Variants in BUD23 observed in about 807,000 individuals in gnomAD.
BUD23 encodes the protein 18S rRNA (guanine-N(7))-methyltransferase.
A neutral mutation model predicts 47.0 loss-of-function variants in BUD23; 34 were observed. That is an observed-to-expected ratio of 0.72 (90% CI 0.55 to 0.96). The LOEUF (loss-of-function observed/expected upper bound fraction) is 0.96, where lower values mean the gene tolerates loss of function less well. Among genes scored for constraint, BUD23 ranks in the 40% least tolerant of loss-of-function variants. BUD23 has a pLI of 0.00. For synonymous variants in BUD23, 124 were observed against 132.0 expected (o/e 0.94, Z 0.41); for missense variants, 343 against 361.2 (o/e 0.95, Z 0.41).
At chr7:73,683,720 A>G (rs782128631) in intron 1 of BUD23, 47 bp downstream of exon 1, 8 of 1,613,814 alleles carry the variant, frequency 5.0e-6, no homozygotes. Context: ...TTCTGCGGCC[A>G]CCGCGTCTGA....
At position 73,698,131 on chromosome 7, in the gene BUD23, A is replaced by T; in HGVS notation, c.*245A>T. ...GGCAACATAATGAAACTTCCTTTCC[A>T]GGGAGGAAAAAAAAAAAAAAAAAAA... On this transcript the variant is annotated 3_prime_UTR_variant, in exon 12 of 12. Coordinates refer to ENST00000265758, the MANE Select transcript of BUD23 (RefSeq NM_017528.5). The T allele has an allele frequency of 2.8e-5, 3 of 106,416 alleles. No individual in the cohort carries two copies. The highest frequency in any genetic ancestry group is 1.3e-4 in the East Asian group (1 of 7,630). The allele number at this position is 106,416 out of a possible 1,614,324, so 6.6% of individuals were successfully genotyped here. A position where few individuals can be genotyped will look rare whatever the true frequency, so the allele number is the denominator to read the frequency against.
chr7:73,692,762 C>T (rs2116696460), intron 7 of BUD23, 116 bp downstream of exon 7: 4 of 1,020,776 alleles, frequency 3.9e-6, no homozygotes, highest in Non-Finnish European at 5.8e-6. Flanking sequence ...GAAACATGCA[C>T]CCTAGTGTGG....
At chr7:73,685,151 T>C (rs1797914087) in intron 2 of BUD23, among the ~76,000 whole-genome samples, 1 of 150,608 alleles carries the variant, frequency 6.6e-6, no homozygotes, top group Admixed American at 6.7e-5. Flanking sequence ...CTACTGAAAA[T>C]ACAGATATTA....
Position 73,686,729 on chromosome 7 carries a change from T to C in BUD23, c.180T>C (p.Ile60=), listed in dbSNP as rs782812578. ...PENKPCYLLD[I]GCGTGLSGSY... is the part of the protein sequence containing the mutation. ...ATAAGCCCTGTTACCTGCTGGATAT[T>C]GGGTGAGATTCTGGGGCCTGGTTCA... The change falls in exon 3 of 12, where the codon ATT becomes ATC. Residue 60 remains isoleucine (I), a splice_region_variant and synonymous_variant. Transcript: ENST00000265758. 38 of 1,614,002 alleles carry C rather than the reference T, an allele frequency of 2.4e-5. No individual in the cohort carries two copies. Among genetic ancestry groups the C allele is most frequent in the Non-Finnish European group, 3.1e-5 (36 of 1,180,018 alleles).
intron 2 of BUD23, among the ~76,000 whole-genome samples, chr7:73,685,770 A>G (rs1401884458): frequency 6.6e-6 from 1 of 152,022 alleles, no homozygotes; most frequent in African/African-American, 2.4e-5. Context: ...GTTAATGGAA[A>G]TACGTTATTA....
At chr7:73,691,136 G>GC in intron 6 of BUD23, 124 bp downstream of exon 6, 1 of 791,520 alleles carries the variant, frequency 1.3e-6, no homozygotes, top group Non-Finnish European at 2.1e-6. Context: ...GCATGGGGTG[G>GC]CAGGACCTTA....
chr7:73,693,624 A>G lies in BUD23; in HGVS notation c.597A>G (p.Lys199=). The G allele has an allele frequency of 6.2e-7, 1 of 1,614,124 alleles. No homozygotes were observed. The highest frequency in any genetic ancestry group is 8.5e-7 in the Non-Finnish European group (1 of 1,180,028). The change falls in exon 9 of 12, where the codon AAA becomes AAG. Residue 199 remains lysine, a splice_region_variant and synonymous_variant. Transcript: ENST00000265758. ...CTCACTTTGCACTTTCTCCTTTCAG[A>G]TTCTACCTCTGCTTGTTTTCTGGGC... is the stretch of plus-strand genomic sequence containing the variant. The part of the protein sequence containing the change: ...VDYPNSAKAK[K]FYLCLFSGPS...
intron 10 of BUD23, chr7:73,695,800 T>C (rs1158147595): frequency 6.6e-6 from 1 of 152,236 alleles, no homozygotes; most frequent in African/African-American, 2.4e-5. Flanking sequence ...ACTGGTCTTT[T>C]TCTTTTTTTC....
chr7:73,687,715 A>G (rs1359877374), intron 5 of BUD23, among the ~76,000 whole-genome samples: 1 of 152,146 alleles, frequency 6.6e-6, no homozygotes, highest in Non-Finnish European at 1.5e-5. Context: ...CCTGCAAGCC[A>G]GTGCCTCCCA....
intron 6 of BUD23, among the ~76,000 whole-genome samples, chr7:73,691,867 A>C (rs1398988512): frequency 1.3e-5 from 2 of 152,106 alleles, no homozygotes; most frequent in Non-Finnish European, 2.9e-5. Context: ...AGGCTCCCAA[A>C]GTGATGGGAT....
chr7:73,686,614 A>G lies in BUD23; in HGVS notation c.87-22A>G, dbSNP rs782248139. ...CACCCAGAACTCCTTTACCATGTCC[A>G]CTTGTGTTTCTGCCTTACCAGCTCA... is the stretch of plus-strand genomic sequence containing the variant. On this transcript the variant is annotated intron_variant, in intron 2 of 11. Coordinates refer to ENST00000265758, the MANE Select transcript of BUD23 (RefSeq NM_017528.5). 2.5e-6 allele frequency: 4 copies of G among 1,611,014 alleles called. No individual in the cohort carries two copies. The African/African-American group carries it at 4.0e-5, about 16-fold the overall frequency.
intron 10 of BUD23, chr7:73,696,209 TCCAC>T (rs1319601271): frequency 3.9e-4 from 60 of 152,358 alleles, no homozygotes; most frequent in African/African-American, 1.4e-3. Context: ...GTTCCTCACG[TCCAC>T]CATAGGTTTA....
At chr7:73,693,467 C>A in intron 8 of BUD23, 53 bp downstream of exon 8, 2 of 1,608,298 alleles carry the variant, frequency 1.2e-6, no homozygotes, top group East Asian at 2.2e-5. Flanking sequence ...AGGGTAGTGG[C>A]ATAGCCCTTT....
chr7:73,688,086 C>T (rs530214038), intron 5 of BUD23, among the ~76,000 whole-genome samples: 19 of 151,890 alleles, frequency 1.3e-4, no homozygotes, highest in East Asian at 3.9e-4. Flanking sequence ...TTAGTAGAGA[C>T]GGGGTTTCAC....
rs2293490 is a variant in BUD23 at position 73,692,673 on chromosome 7, C to T, written c.510+27C>T. 9.1e-5 allele frequency: 146 copies of T among 1,608,094 alleles called. No individual in the cohort carries two copies. In the African/African-American group the frequency reaches 9.2e-4, roughly 10 times the overall value. On this transcript the variant is annotated intron_variant, in intron 7 of 11. Coordinates refer to ENST00000265758, the MANE Select transcript of BUD23 (RefSeq NM_017528.5). ...TGAGTCCCTCGGCTACTGGGTGTGC[C>T]GGGGAGTTGGGGGACTCAACAGGTA...
chr7:73,693,666 A>G lies in BUD23; in HGVS notation c.639A>G (p.Pro213=), dbSNP rs782208237. 3 of 1,614,012 alleles carry G rather than the reference A, an allele frequency of 1.9e-6. No individual in the cohort carries two copies. Among genetic ancestry groups the G allele is most frequent in the Non-Finnish European group, 2.5e-6 (3 of 1,180,028 alleles). ...TTTCTGGGCCTTCGACCTTTATACC[A>G]GAGGTGAGGGACACTGGGTTTGCAG... ...CLFSGPSTFI[P]EGLSENQDEV... Residue 213 remains proline, a synonymous_variant, in exon 9 of 12, where the codon CCA becomes CCG. Coordinates refer to ENST00000265758, the MANE Select transcript of BUD23 (RefSeq NM_017528.5).
At chr7:73,691,278 A>G (rs1340699222) in intron 6 of BUD23, among the ~76,000 whole-genome samples, 2 of 152,156 alleles carry the variant, frequency 1.3e-5, no homozygotes, top group Non-Finnish European at 2.9e-5. Flanking sequence ...AATAGGGCCT[A>G]CTTCTGTTGA....
At chr7:73,685,149 A>G (rs1227765052) in intron 2 of BUD23, among the ~76,000 whole-genome samples, 1 of 151,466 alleles carries the variant, frequency 6.6e-6, no homozygotes, top group Non-Finnish European at 1.5e-5. Flanking sequence ...CTCTACTGAA[A>G]ATACAGATAT....
At position 73,691,005 on chromosome 7, in the gene BUD23, C is replaced by T. The variant is rs782124069; in HGVS notation, c.452C>T (p.Ser151Phe). Reference sequence around the variant, plus strand: ...TACTGCTTTTTTGCTTCTCTTTTTTCTGTTCTCGTGAGTATAAGATCTTCT... The same window carrying T: ...TACTGCTTTTTTGCTTCTCTTTTTTTTGTTCTCGTGAGTATAAGATCTTCT... ...RLYCFFASLF[S>F]VLVRGSRAVL... is the part of the protein sequence containing the mutation. The change falls in exon 6 of 12, where the codon TCT (serine) becomes TTT (phenylalanine). Residue 151 changes from serine (S) to phenylalanine (F), a missense_variant. Transcript: ENST00000265758. 3 of 1,614,052 alleles carry T rather than the reference C, an allele frequency of 1.9e-6. No homozygotes were observed. Among genetic ancestry groups the T allele is most frequent in the East Asian group, 2.2e-5 (1 of 44,892 alleles).
Sources: gnomAD v4.1 joint callset for allele counts (sites outside exome capture counted in the v4.1 genomes callset) on GRCh38, gnomAD v4.1.1 for gene constraint, MANE v1.5 for transcripts, NCBI Gene and HGNC (gene_info 2026-07-23, HGNC 2026-07-21) for gene names.